Variants in SH3GLB1 observed in about 807,000 individuals in gnomAD.
SH3GLB1 encodes the protein SH3 domain containing GRB2 like, endophilin B1, also known as endophilin-B1.
Under a neutral mutation model 42.0 loss-of-function variants are expected in SH3GLB1, and 17 were observed. That is an observed-to-expected ratio of 0.40 (90% CI 0.28 to 0.61). The LOEUF (loss-of-function observed/expected upper bound fraction) is 0.61. Among genes scored for constraint, SH3GLB1 ranks in the 20% least tolerant of loss-of-function variants. The pLI, the probability that SH3GLB1 is intolerant of heterozygous loss-of-function variation, is 0.36. For synonymous variants in SH3GLB1, 132 were observed against 146.6 expected (o/e 0.90, Z 0.72); for missense variants, 355 against 426.3 (o/e 0.83, Z 1.47).
At chr1:86,739,012 G>A (rs1655925421) in intron 7 of SH3GLB1, among the ~76,000 whole-genome samples, 1 of 152,224 alleles carries the variant, frequency 6.6e-6, no homozygotes, top group Non-Finnish European at 1.5e-5. Flanking sequence ...AATGCCAGAG[G>A]AGGCAAAGAT....
rs199954740 is a variant in SH3GLB1, at chr1:86,742,262, A to G, written c.816A>G (p.Pro272=). The G allele has an allele frequency of 6.2e-7, 1 of 1,614,148 alleles. No individual in the cohort carries two copies. Among genetic ancestry groups the G allele is most frequent in the Admixed American group, 1.7e-5 (1 of 60,012 alleles). ...ATCAGACTTCTGTGACACCTGTACC[A>G]TCAGTTTTACCAAATGCGATTGGTT... The part of the protein sequence containing the change: ...NNNQTSVTPV[P]SVLPNAIGSS... Residue 272 remains proline, a synonymous_variant, in exon 8 of 9, where the codon CCA becomes CCG. Coordinates refer to ENST00000370558, the MANE Select transcript of SH3GLB1 (RefSeq NM_016009.5).
chr1:86,733,357 A>C (rs1456856757), intron 5 of SH3GLB1, among the ~76,000 whole-genome samples: 1 of 152,202 alleles, frequency 6.6e-6, no homozygotes, highest in Non-Finnish European at 1.5e-5. Context: ...TACTAGGGTA[A>C]CTATTGCCAC....
intron 5 of SH3GLB1, among the ~76,000 whole-genome samples, chr1:86,726,497 T>G (rs1655202119): frequency 6.7e-6 from 1 of 149,872 alleles, no homozygotes; most frequent in Non-Finnish European, 1.5e-5. Context: ...AAGGTTTTTT[T>G]TCTATGGGAA....
At chr1:86,730,649 G>A (rs1418247802) in intron 5 of SH3GLB1, among the ~76,000 whole-genome samples, 1 of 151,924 alleles carries the variant, frequency 6.6e-6, no homozygotes, top group Non-Finnish European at 1.5e-5. Flanking sequence ...ACAGGTGCCC[G>A]CCACCACGCC....
chr1:86,729,278 A>G (rs867349894), intron 5 of SH3GLB1, among the ~76,000 whole-genome samples: 1 of 152,164 alleles, frequency 6.6e-6, no homozygotes, highest in East Asian at 1.9e-4. Flanking sequence ...TACATTGGCA[A>G]TTAATTGGCT....
chr1:86,717,613 G>C (rs1654609500), intron 2 of SH3GLB1, among the ~76,000 whole-genome samples: 1 of 152,006 alleles, frequency 6.6e-6, no homozygotes, highest in South Asian at 2.1e-4. Flanking sequence ...GTAGAGACAG[G>C]GTTTCTCCAT....
Position 86,743,201 on chromosome 1 carries a change from A to G in SH3GLB1, c.1064A>G (p.Lys355Arg). The stretch of plus-strand genomic sequence containing the variant: ...GGGGAAAGGGGAAACCAGAAGGGCA[A>G]GGTGCCAATTACCTACTTAGAACTG... ...LMGERGNQKG[K>R]VPITYLELLN The change falls in exon 9 of 9, where the codon AAG (lysine) becomes AGG (arginine). Residue 355 changes from lysine (K) to arginine (R), a missense_variant. Coordinates refer to ENST00000370558, the MANE Select transcript of SH3GLB1 (RefSeq NM_016009.5). The G allele has an allele frequency of 1.2e-6, 2 of 1,613,624 alleles. No homozygotes were observed. The highest frequency in any genetic ancestry group is 1.7e-6 in the Non-Finnish European group (2 of 1,179,826).
rs1032685158 is a variant in SH3GLB1, at chr1:86,744,608, A to G, written c.*1373A>G. The G allele has an allele frequency of 2.6e-5, 4 of 152,128 alleles. No homozygotes were observed. Among genetic ancestry groups the G allele is most frequent in the African/African-American group, 4.8e-5 (2 of 41,398 alleles). The allele number at this position is 152,128 out of a possible 1,614,324, so 9.4% of individuals were successfully genotyped here. A position where few individuals can be genotyped will look rare whatever the true frequency, so the allele number is the denominator to read the frequency against. ...ATAGCACATTCTGACAACTAAAGCA[A>G]TTTACTCTAACTTAAGCATGAAGTA... On this transcript the variant is annotated 3_prime_UTR_variant, in exon 9 of 9. Coordinates refer to ENST00000370558, the MANE Select transcript of SH3GLB1 (RefSeq NM_016009.5).
At chr1:86,719,776 A>G in intron 3 of SH3GLB1, 141 bp downstream of exon 3, 1 of 675,324 alleles carries the variant, frequency 1.5e-6, no homozygotes, top group South Asian at 2.5e-5. Flanking sequence ...TGGGCGGATC[A>G]TGAGGTCAGG....
At chr1:86,715,626 T>C in intron 1 of SH3GLB1, 98 bp from the exon 2 acceptor site, 1 of 1,201,824 alleles carries the variant, frequency 8.3e-7, no homozygotes, top group Non-Finnish European at 1.1e-6. Flanking sequence ...TTTGTATGTT[T>C]AGGATTGTTT....
rs74764794 is a variant in SH3GLB1, at chr1:86,740,417, A to C, written c.762-1791A>C. ...AAGCTTTTCTGTGTTTCTCCTGTTA[A>C]AGTAGATGCATGGATACTGAATAGG... On this transcript the variant is annotated intron_variant, in intron 7 of 8. Coordinates refer to ENST00000370558, the MANE Select transcript of SH3GLB1 (RefSeq NM_016009.5). Among the ~76,000 whole-genome samples the C allele has an allele frequency of 2.9e-3, 439 of 152,358 alleles. 1 individual carries two copies. Among genetic ancestry groups the C allele is most frequent in the African/African-American group, 0.01 (423 of 41,580 alleles).
In SH3GLB1 at chr1:86,704,777, G is replaced by A. The variant is rs2101900138; in HGVS notation, c.-123G>A. 3.7e-6 allele frequency: 2 copies of A among 534,820 alleles called. No homozygotes were observed. Among genetic ancestry groups the A allele is most frequent in the African/African-American group, 2.0e-5 (1 of 48,928 alleles). 33.1% of individuals were successfully genotyped at this position (534,820 alleles called of 1,614,324 possible). ...AAACGACAGCTGCGGCTGCGGGGCT[G>A]GCGCCGCCTCCCTCCACCTACCACG... On this transcript the variant is annotated 5_prime_UTR_variant, in exon 1 of 9. Coordinates refer to ENST00000370558, the MANE Select transcript of SH3GLB1 (RefSeq NM_016009.5).
intron 8 of SH3GLB1, among the ~76,000 whole-genome samples, chr1:86,742,642 T>C (rs910755724): frequency 9.2e-5 from 14 of 152,166 alleles, no homozygotes; most frequent in Non-Finnish European, 1.8e-4. Flanking sequence ...AACTTGAAGA[T>C]GTATAAAACT....
At chr1:86,719,766 T>G (rs263465) in intron 3 of SH3GLB1, 131 bp downstream of exon 3, 192,888 of 787,922 alleles carry the variant, frequency 0.24, 27,975 homozygotes, top group African/African-American at 0.61. Flanking sequence ...GTGGTTGAGG[T>G]GGGCGGATCA....
Position 86,716,345 on chromosome 1 carries a change from G to A in SH3GLB1, c.214+480G>A, listed in dbSNP as rs139391080. Among the ~76,000 whole-genome samples the A allele has an allele frequency of 5.7e-3, 872 of 152,116 alleles. 7 individuals carry two copies. The highest frequency in any genetic ancestry group is 0.02 in the African/African-American group (812 of 41,472). On this transcript the variant is annotated intron_variant, in intron 2 of 8. Transcript: ENST00000370558. ...GCTGGAGTGCAATGGTGTGATCTTG[G>A]CTCACTGCAACCTCCACCTCCCAGG... is the stretch of plus-strand genomic sequence containing the variant.
At chr1:86,722,097 C>T (rs1054091276) in intron 3 of SH3GLB1, among the ~76,000 whole-genome samples, 3 of 149,876 alleles carry the variant, frequency 2.0e-5, no homozygotes, top group African/African-American at 7.4e-5. Flanking sequence ...AACGATCCTC[C>T]TCCCTCAGCT....
At chr1:86,735,044 T>TAC (rs764096606) in intron 6 of SH3GLB1, 35 bp from the exon 7 acceptor site, 3 of 1,518,250 alleles carry the variant, frequency 2.0e-6, no homozygotes, top group Non-Finnish European at 2.7e-6. Flanking sequence ...AAGTTGACTA[T>TAC]ACAGCTAAGA....
intron 1 of SH3GLB1, among the ~76,000 whole-genome samples, chr1:86,712,141 T>G (rs905762888): frequency 6.6e-6 from 1 of 152,160 alleles, no homozygotes; most frequent in African/African-American, 2.4e-5. Flanking sequence ...ATAATTTCAA[T>G]TTTAAAATAT....
At chr1:86,724,979 AATAT>A (rs973525874) in intron 5 of SH3GLB1, among the ~76,000 whole-genome samples, 7 of 145,302 alleles carry the variant, frequency 4.8e-5, no homozygotes, top group Admixed American at 1.4e-4. Context: ...ATATATATAA[AATAT>A]ATATATGTGT....
Sources: allele counts gnomAD v4.1 joint callset (sites outside exome capture counted in the v4.1 genomes callset), GRCh38; gene constraint gnomAD v4.1.1; transcripts MANE v1.5; gene names NCBI Gene and HGNC (gene_info 2026-07-23, HGNC 2026-07-21).